Variants in NUDT12 observed in about 807,000 individuals in gnomAD.
NUDT12 encodes the protein NAD-capped RNA hydrolase NUDT12.
NUDT12 carries 42 observed loss-of-function variants against 45.7 expected under a neutral mutation model. The ratio of observed to expected loss-of-function variants is 0.92; its 90% confidence interval spans 0.72 to 1.19. NUDT12 has a LOEUF of 1.19. Ranked by LOEUF, NUDT12 falls within the 50% of genes most tolerant of loss-of-function variation. The pLI is 0.00. For missense variants in NUDT12, 590 were observed against 533.1 expected (o/e 1.11, Z -1.05); for synonymous variants, 206 against 179.7 (o/e 1.15, Z -1.17).
chr5:103,559,234 G>A lies in NUDT12; in HGVS notation c.441C>T (p.Ala147=), dbSNP rs1337157541. ...AATCTGAGAAAAGAATAAAAACTGT[G>A]GCTGGATGGCTTTCTTTAGCTAGCA... ...DWLLAKESHP[A]TVFILFSDLN... is the part of the protein sequence containing the mutation. The change falls in exon 3 of 7, where the codon GCC becomes GCT. Residue 147 remains alanine (A), a synonymous_variant. Coordinates refer to ENST00000230792, the MANE Select transcript of NUDT12 (RefSeq NM_031438.4). The A allele has an allele frequency of 6.4e-7, 1 of 1,572,424 alleles. No individual in the cohort carries two copies. Among genetic ancestry groups the A allele is most frequent in the Non-Finnish European group, 8.6e-7 (1 of 1,162,556 alleles).
At chr5:103,556,204 G>T in intron 3 of NUDT12, 106 bp from the exon 4 acceptor site, 5 of 684,194 alleles carry the variant, frequency 7.3e-6, no homozygotes, top group East Asian at 3.3e-5. Context: ...TGTGATCAGG[G>T]GTTTTAGTAT....
rs2112455755 is a variant in NUDT12 at position 103,559,051 on chromosome 5, T to C, written c.624A>G (p.Lys208=). Residue 208 remains lysine (K), a synonymous_variant, in exon 3 of 7, where the codon AAA becomes AAG. Transcript: ENST00000230792. The part of the protein sequence containing the change: ...FLGVELEIKD[K]LLNYAGEVPR... ...GGACTTCACCAGCATAATTAAGTAG[T>C]TTGTCTTTTATTTCAAGTTCTACTC... 6.2e-7 allele frequency: 1 copy of C among 1,613,352 alleles called. No homozygotes were observed. Among genetic ancestry groups the C allele is most frequent in the South Asian group, 1.1e-5 (1 of 90,890 alleles).
At chr5:103,559,848 GAAAT>G (rs1398346168) in intron 2 of NUDT12, 191 bp downstream of exon 2, 4 of 561,872 alleles carry the variant, frequency 7.1e-6, no homozygotes, top group Non-Finnish European at 1.3e-5. Flanking sequence ...TTGCTATAAA[GAAAT>G]AATTTCTCAA....
chr5:103,562,325 C>T (rs1166303423), intron 1 of NUDT12, among the ~76,000 whole-genome samples: 1 of 152,160 alleles, frequency 6.6e-6, no homozygotes, highest in African/African-American at 2.4e-5. Flanking sequence ...TCCCTGGGCA[C>T]TCAAGACCAA....
At chr5:103,554,398 G>T in intron 5 of NUDT12, 1 of 158,694 alleles carries the variant, frequency 6.3e-6, no homozygotes, top group Admixed American at 6.5e-5. Flanking sequence ...TAATGTATCT[G>T]GGGCAATCAA....
intron 2 of NUDT12, chr5:103,559,799 G>A: frequency 1.9e-6 from 1 of 521,290 alleles, no homozygotes; most frequent in South Asian, 2.9e-5. Flanking sequence ...TTTTCTATTT[G>A]GGAGGAAAAT....
intron 5 of NUDT12, 103 bp downstream of exon 5, chr5:103,554,637 G>T (rs1748756238): frequency 2.4e-6 from 1 of 416,996 alleles, no homozygotes; most frequent in African/African-American, 2.1e-5. Flanking sequence ...AAATAACCGA[G>T]TTTTATAACA....
At position 103,550,845 on chromosome 5, in the gene NUDT12, A is replaced by C. The variant is rs75683611; in HGVS notation, c.*16T>G. 8.2e-3 allele frequency: 12,513 copies of C among 1,518,822 alleles called. 602 individuals carry two copies. The East Asian group carries it at 0.12, about 15-fold the overall frequency. The allele number at this position is 1,518,822 out of a possible 1,614,324, so 94.1% of individuals were successfully genotyped here. A position where few individuals can be genotyped will look rare whatever the true frequency, so the allele number is the denominator to read the frequency against. ...TTAGAAATTATTAAATAATACTCAA[A>C]GCTTAGTTCTTAGATTTAGAGATTA... On this transcript the variant is annotated 3_prime_UTR_variant, in exon 7 of 7. Transcript: ENST00000230792.
Position 103,560,121 on chromosome 5 carries a change from G to A in NUDT12, c.128C>T (p.Ser43Phe). ...SHSPSLLNET[S>F]ENGWTALMYA... ...CATTAAAGCAGTCCAGCCATTTTCA[G>A]AAGTTTCATTGAGAAGAGATGGAGA... is the stretch of plus-strand genomic sequence containing the variant. The change falls in exon 2 of 7, where the codon TCT becomes TTT. Residue 43 changes from serine to phenylalanine, a missense_variant. Physicochemically the swap from Ser to Phe is radical, Grantham distance 155. Coordinates refer to ENST00000230792, the MANE Select transcript of NUDT12 (RefSeq NM_031438.4). 6.2e-7 allele frequency: 1 copy of A among 1,613,936 alleles called. No homozygotes were observed. The highest frequency in any genetic ancestry group is 8.5e-7 in the Non-Finnish European group (1 of 1,179,866).
chr5:103,556,526 G>T (rs1748828097), intron 3 of NUDT12, among the ~76,000 whole-genome samples: 1 of 151,996 alleles, frequency 6.6e-6, no homozygotes, highest in African/African-American at 2.4e-5. Context: ...GAAACTGTAG[G>T]AGGCTATCAC....
intron 5 of NUDT12, 23 bp from the exon 6 acceptor site, chr5:103,552,439 C>G: frequency 6.3e-7 from 1 of 1,586,642 alleles, no homozygotes; most frequent in Non-Finnish European, 8.7e-7. Context: ...AGCAAAAGAA[C>G]AAGTTGCTGA....
rs776101582 is a variant in NUDT12 at position 103,560,061 on chromosome 5, T to C, written c.188A>G (p.Gln63Arg). The change falls in exon 2 of 7, where the codon CAA becomes CGA. Residue 63 changes from glutamine (Q) to arginine (R), a missense_variant. By Grantham distance (43) the Gln-to-Arg change is conservative. Coordinates refer to ENST00000230792, the MANE Select transcript of NUDT12 (RefSeq NM_031438.4). Reference sequence around the variant, plus strand: ...TGTTTACCCTTTCTCAAGCAGAAATTGGACTATCTCTGGGTGCCCATTCCT... The same window carrying C: ...TGTTTACCCTTTCTCAAGCAGAAATCGGACTATCTCTGGGTGCCCATTCCT... ...AARNGHPEIVQFLLEKGCDRS... is the reference protein window; with the variant it reads ...AARNGHPEIVRFLLEKGCDRS... 85 of 1,613,082 alleles carry C rather than the reference T, an allele frequency of 5.3e-5. No individual in the cohort carries two copies. The highest frequency in any genetic ancestry group is 7.0e-5 in the Non-Finnish European group (83 of 1,179,216).
In NUDT12 at chr5:103,560,272, CAG is replaced by C. The variant is rs777888580; in HGVS notation, c.-6-20_-6-19del. ...ATTTCTTCCTTAAAAGAAGGAAAATCAGGGGAAAAAGCTTATTTGCAACTGCT... is the reference window on the plus strand; with the variant it reads ...ATTTCTTCCTTAAAAGAAGGAAAATCGGGAAAAAGCTTATTTGCAACTGCT... On this transcript the variant is annotated intron_variant, in intron 1 of 6. Coordinates refer to ENST00000230792, the MANE Select transcript of NUDT12 (RefSeq NM_031438.4). 5.8e-6 allele frequency: 9 copies of C among 1,552,804 alleles called. No homozygotes were observed. The African/African-American group carries it at 9.5e-5, about 16-fold the overall frequency.
rs762740328 is a variant in NUDT12, at chr5:103,559,356, G to C, written c.319C>G (p.Pro107Ala). The C allele has an allele frequency of 1.5e-5, 25 of 1,613,346 alleles. No homozygotes were observed. Among genetic ancestry groups the C allele is most frequent in the African/African-American group, 5.3e-5 (4 of 74,894 alleles). Residue 107 changes from proline to alanine, a missense_variant, in exon 3 of 7, where the codon CCT (proline) becomes GCT (alanine). By Grantham distance (27) the Pro-to-Ala change is conservative. Coordinates refer to ENST00000230792, the MANE Select transcript of NUDT12 (RefSeq NM_031438.4). ...LLATAKGGKKPWFLTNEVEEC... is the reference protein window; with the variant it reads ...LLATAKGGKKAWFLTNEVEEC... ...TCCACTTCATTCGTTAGGAACCAAGGCTTCTTCCCACCTTTAGCAGTAGCT... is the reference window on the plus strand; with the variant it reads ...TCCACTTCATTCGTTAGGAACCAAGCCTTCTTCCCACCTTTAGCAGTAGCT...
chr5:103,552,629 T>C (rs1015179875), intron 5 of NUDT12, among the ~76,000 whole-genome samples: 1 of 152,102 alleles, frequency 6.6e-6, no homozygotes, highest in Non-Finnish European at 1.5e-5. Flanking sequence ...CAATAAACTT[T>C]TCGTTTTTTT....
At chr5:103,556,674 C>T (rs1013394094) in intron 3 of NUDT12, among the ~76,000 whole-genome samples, 4 of 151,890 alleles carry the variant, frequency 2.6e-5, no homozygotes, top group African/African-American at 9.7e-5. Flanking sequence ...CCAAAAAATG[C>T]CTAATAGGAT....
rs372682353 is a variant in NUDT12, at chr5:103,559,043, T to C, written c.632A>G (p.Asn211Ser). 4.0e-5 allele frequency: 65 copies of C among 1,613,714 alleles called. No individual in the cohort carries two copies. The highest frequency in any genetic ancestry group is 3.3e-4 in the Middle Eastern group (2 of 6,060). ...VELEIKDKLLNYAGEVPREEE... is the reference protein window; with the variant it reads ...VELEIKDKLLSYAGEVPREEE... Reference sequence around the variant, plus strand: ...CTCTCTCGGGACTTCACCAGCATAATTAAGTAGTTTGTCTTTTATTTCAAG... The same window carrying C: ...CTCTCTCGGGACTTCACCAGCATAACTAAGTAGTTTGTCTTTTATTTCAAG... Residue 211 changes from asparagine to serine, a missense_variant, in exon 3 of 7, where the codon AAT becomes AGT. Coordinates refer to ENST00000230792, the MANE Select transcript of NUDT12 (RefSeq NM_031438.4).
Position 103,559,466 on chromosome 5 carries a change from C to T in NUDT12, c.209G>A (p.Cys70Tyr). ...EIVQFLLEKG[C>Y]DRSIVNKSRQ... ...TGATTTATTGACAATTGATCTGTCA[C>T]ACCTATAGATGGAAGAAAAAATTGG... Residue 70 changes from cysteine (C) to tyrosine (Y), a missense_variant and splice_region_variant, in exon 3 of 7, where the codon TGT (cysteine) becomes TAT (tyrosine). Coordinates refer to ENST00000230792, the MANE Select transcript of NUDT12 (RefSeq NM_031438.4). The T allele has an allele frequency of 1.4e-6, 2 of 1,470,622 alleles. No individual in the cohort carries two copies. 91.1% of individuals were successfully genotyped at this position (1,470,622 alleles called of 1,614,324 possible). A position where few individuals can be genotyped will look rare whatever the true frequency, so the allele number is the denominator to read the frequency against.
In NUDT12 at chr5:103,554,859, GAA is replaced by G; in HGVS notation, c.965-8_965-7del. 3 of 1,016,494 alleles carry G rather than the reference GAA, an allele frequency of 3.0e-6. No homozygotes were observed. Among genetic ancestry groups the G allele is most frequent in the East Asian group, 2.8e-5 (1 of 36,096 alleles). The allele number at this position is 1,016,494 out of a possible 1,614,324, so 63.0% of individuals were successfully genotyped here. ...TTGCATGATTACTACTGGATCTGTT[GAA>G]AAAAAAAATCAGATACATGAATGGC... On this transcript the variant is annotated splice_polypyrimidine_tract_variant and splice_region_variant and intron_variant, in intron 4 of 6. Transcript: ENST00000230792.
Sources: gnomAD v4.1 joint callset for allele counts (sites outside exome capture counted in the v4.1 genomes callset) on GRCh38, gnomAD v4.1.1 for gene constraint, MANE v1.5 for transcripts, NCBI Gene and HGNC (gene_info 2026-07-23, HGNC 2026-07-21) for gene names.